The following CUL3 variants were observed in gnomAD, a reference collection of about 807,000 sequenced individuals.
The protein encoded by CUL3 is cullin 3, also known as cullin-3.
In CUL3, 19 loss-of-function variants were observed where a neutral mutation model predicts 89.1. The observed-to-expected ratio is 0.21, with a 90% CI of 0.15 to 0.31. CUL3 has a LOEUF of 0.31. Among genes scored for constraint, CUL3 ranks in the 10% least tolerant of loss-of-function variants. The pLI, the probability that CUL3 is intolerant of heterozygous loss-of-function variation, is 1.00. For synonymous variants in CUL3, 351 were observed against 308.4 expected (o/e 1.14, Z -1.45); for missense variants, 469 against 942.3 (o/e 0.50, Z 6.58).
chr2:224,531,303 G>T (rs1400611462), intron 3 of CUL3, among the ~76,000 whole-genome samples: 1 of 151,886 alleles, frequency 6.6e-6, no homozygotes, highest in Admixed American at 6.6e-5. Context: ...GGCCAGGCTG[G>T]TCTCAAATTC....
intron 1 of CUL3, among the ~76,000 whole-genome samples, chr2:224,569,166 T>C (rs1308663730): frequency 5.9e-5 from 9 of 152,210 alleles, no homozygotes; most frequent in Admixed American, 4.6e-4. Context: ...TTTAATCCCA[T>C]TGATAAACTG....
chr2:224,512,902 A>C (rs1020154799), intron 5 of CUL3, among the ~76,000 whole-genome samples: 7 of 152,204 alleles, frequency 4.6e-5, no homozygotes, highest in African/African-American at 1.7e-4. Flanking sequence ...TGAACTGCAC[A>C]GGTCCATGAA....
At chr2:224,536,861 T>C (rs1693917320) in intron 2 of CUL3, among the ~76,000 whole-genome samples, 1 of 152,236 alleles carries the variant, frequency 6.6e-6, no homozygotes, top group Non-Finnish European at 1.5e-5. Context: ...GTTCTTGTTT[T>C]ATCACAAAGT....
At chr2:224,549,160 T>C (rs947395841) in intron 2 of CUL3, among the ~76,000 whole-genome samples, 1 of 151,220 alleles carries the variant, frequency 6.6e-6, no homozygotes, top group South Asian at 2.1e-4. Flanking sequence ...TTACTAAAAA[T>C]ACAAAGATTG....
In CUL3 at chr2:224,473,640, A is replaced by T. The variant is rs553445597; in HGVS notation, c.*605T>A. ...GAAACCAAATCAGGATGTGTACTTGAGCCCAAAACAAAGGTTCCTGGTCAT... is the reference window on the plus strand; with the variant it reads ...GAAACCAAATCAGGATGTGTACTTGTGCCCAAAACAAAGGTTCCTGGTCAT... On this transcript the variant is annotated 3_prime_UTR_variant, in exon 16 of 16. Transcript: ENST00000264414. The T allele has an allele frequency of 1.6e-5, 3 of 186,352 alleles. No homozygotes were observed. The highest frequency in any genetic ancestry group is 6.2e-5 in the Admixed American group (1 of 16,096). The allele number at this position is 186,352 out of a possible 1,614,324, so 11.5% of individuals were successfully genotyped here.
rs1485788235 is a variant in CUL3, at chr2:224,473,121, A to G, written c.*1124T>C. 4.9e-6 allele frequency: 1 copy of G among 204,352 alleles called. No homozygotes were observed. Among genetic ancestry groups the G allele is most frequent in the East Asian group, 7.5e-5 (1 of 13,344 alleles). The allele number at this position is 204,352 out of a possible 1,614,324, so 12.7% of individuals were successfully genotyped here. A position where few individuals can be genotyped will look rare whatever the true frequency, so the allele number is the denominator to read the frequency against. Reference sequence around the variant, plus strand: ...GAGGACAATAGCTAAATATCCAAGAATCATCAGGTTTGAGAAATATTGCTT... The same window carrying G: ...GAGGACAATAGCTAAATATCCAAGAGTCATCAGGTTTGAGAAATATTGCTT... On this transcript the variant is annotated 3_prime_UTR_variant, in exon 16 of 16. Transcript: ENST00000264414.
In CUL3 at chr2:224,473,569, A is replaced by C. The variant is rs1173703434; in HGVS notation, c.*676T>G. On this transcript the variant is annotated 3_prime_UTR_variant, in exon 16 of 16. Transcript: ENST00000264414. ...CTAGAAATAACTCAGAACAAAACCT[A>C]ATCATTATAAGACTTAATTTGGGAA... 2.2e-5 allele frequency: 4 copies of C among 184,364 alleles called. No homozygotes were observed. The highest frequency in any genetic ancestry group is 4.6e-5 in the Non-Finnish European group (4 of 86,712). 11.4% of individuals were successfully genotyped at this position (184,364 alleles called of 1,614,324 possible). A position where few individuals can be genotyped will look rare whatever the true frequency, so the allele number is the denominator to read the frequency against.
intron 1 of CUL3, among the ~76,000 whole-genome samples, chr2:224,584,674 C>G (rs1395041988): frequency 6.6e-6 from 1 of 150,742 alleles, no homozygotes. Context: ...CCGGCCGCAG[C>G]CGACGCCCGC....
chr2:224,553,993 T>C lies in CUL3; in HGVS notation c.264+3666A>G, dbSNP rs374590010. Among the ~76,000 whole-genome samples the C allele has an allele frequency of 2.9e-4, 44 of 152,334 alleles. No homozygotes were observed. In the East Asian group the frequency reaches 6.8e-3, roughly 23 times the overall value. On this transcript the variant is annotated intron_variant, in intron 2 of 15. Coordinates refer to ENST00000264414, the MANE Select transcript of CUL3 (RefSeq NM_003590.5). The stretch of plus-strand genomic sequence containing the variant: ...CTGCTCACGTAACTTCAATATCTAC[T>C]GGACCATATCTTCAACATCCAATTG...
chr2:224,535,423 G>T (rs1168785776), intron 3 of CUL3, 105 bp downstream of exon 3: 3 of 668,508 alleles, frequency 4.5e-6, no homozygotes, highest in Admixed American at 6.3e-5. Context: ...GCCCACCTTG[G>T]CCTCCCAAAG....
chr2:224,544,276 T>C (rs1194612508), intron 2 of CUL3, among the ~76,000 whole-genome samples: 1 of 152,242 alleles, frequency 6.6e-6, no homozygotes, highest in African/African-American at 2.4e-5. Flanking sequence ...TTGGGGCTTC[T>C]ATTTTAAAAT....
In CUL3 at chr2:224,474,076, A is replaced by G; in HGVS notation, c.*169T>C. On this transcript the variant is annotated 3_prime_UTR_variant, in exon 16 of 16. Coordinates refer to ENST00000264414, the MANE Select transcript of CUL3 (RefSeq NM_003590.5). The stretch of plus-strand genomic sequence containing the variant: ...CGTTGTAAAGCCTGAAGCTCAATCA[A>G]CTGATGTTGGAAACTCTCAAAGGGA... 1 of 557,674 alleles carries G rather than the reference A, an allele frequency of 1.8e-6. No individual in the cohort carries two copies. Among genetic ancestry groups the G allele is most frequent in the Non-Finnish European group, 3.0e-6 (1 of 335,300 alleles). The allele number at this position is 557,674 out of a possible 1,614,324, so 34.5% of individuals were successfully genotyped here. A position where few individuals can be genotyped will look rare whatever the true frequency, so the allele number is the denominator to read the frequency against.
intron 6 of CUL3, among the ~76,000 whole-genome samples, chr2:224,508,567 T>C (rs1692690605): frequency 6.6e-6 from 1 of 152,254 alleles, no homozygotes; most frequent in Non-Finnish European, 1.5e-5. Flanking sequence ...TACAATTTCA[T>C]TGTATTTAAA....
At position 224,569,956 on chromosome 2, in the gene CUL3, CAAA is replaced by C. The variant is rs71062948; in HGVS notation, c.67-12103_67-12101del. The C allele has an allele frequency of 6.9e-4, 41 of 59,486 alleles. 1 individual carries two copies. Among genetic ancestry groups the C allele is most frequent in the African/African-American group, 1.3e-3 (21 of 15,574 alleles). 3.7% of individuals were successfully genotyped at this position (59,486 alleles called of 1,614,324 possible). Reference sequence around the variant, plus strand: ...TGATCTTAATTTCAAGCTCCAGTCTCAAAAAAAAAAAAAAAAAAAAAAGCTTTG... The same window carrying C: ...TGATCTTAATTTCAAGCTCCAGTCTCAAAAAAAAAAAAAAAAAAAGCTTTG... On this transcript the variant is annotated intron_variant, in intron 1 of 15. Transcript: ENST00000264414.
chr2:224,521,119 G>T (rs1017236859), intron 3 of CUL3, among the ~76,000 whole-genome samples: 15 of 152,132 alleles, frequency 9.9e-5, no homozygotes, highest in African/African-American at 3.6e-4. Flanking sequence ...GCAAGAAAAA[G>T]TTTAGTAAAT....
At chr2:224,505,030 A>G (rs1404557864) in intron 8 of CUL3, among the ~76,000 whole-genome samples, 2 of 152,134 alleles carry the variant, frequency 1.3e-5, no homozygotes, top group Non-Finnish European at 2.9e-5. Context: ...ACCAGATGAG[A>G]GCAAACAACA....
chr2:224,496,635 A>C (rs1692179895), intron 12 of CUL3, among the ~76,000 whole-genome samples: 1 of 152,072 alleles, frequency 6.6e-6, no homozygotes, highest in Non-Finnish European at 1.5e-5. Context: ...CAAAAGTAAC[A>C]GGATTAGGTT....
intron 1 of CUL3, among the ~76,000 whole-genome samples, chr2:224,579,848 G>A (rs149313184): frequency 1.6e-3 from 243 of 152,304 alleles, no homozygotes; most frequent in African/African-American, 5.8e-3. Flanking sequence ...CTTTATTACC[G>A]TTTGATACAG....
chr2:224,527,426 T>G (rs1693521232), intron 3 of CUL3, among the ~76,000 whole-genome samples: 1 of 152,110 alleles, frequency 6.6e-6, no homozygotes, highest in South Asian at 2.1e-4. Context: ...GCACACAAAT[T>G]CTCCACGGTA....
Sources: allele counts gnomAD v4.1 joint callset (sites outside exome capture counted in the v4.1 genomes callset), GRCh38; gene constraint gnomAD v4.1.1; transcripts MANE v1.5; gene names NCBI Gene and HGNC (gene_info 2026-07-23, HGNC 2026-07-21).